The following PIK3R6 variants were observed in gnomAD, a reference collection of about 807,000 sequenced individuals.
The protein encoded by PIK3R6 is phosphoinositide-3-kinase regulatory subunit 6.
PIK3R6 carries 91 observed loss-of-function variants against 84.9 expected under a neutral mutation model. The observed-to-expected ratio is 1.07, with a 90% CI of 0.90 to 1.28. PIK3R6 has a LOEUF of 1.28. Among genes scored for constraint, PIK3R6 ranks in the 50% most tolerant of loss-of-function variants. PIK3R6 has a pLI of 0.00. For synonymous variants in PIK3R6, 416 were observed against 411.4 expected (o/e 1.01, Z -0.13); for missense variants, 996 against 985.1 (o/e 1.01, Z -0.15).
chr17:8,819,781 C>T (rs367604949), intron 17 of PIK3R6, among the ~76,000 whole-genome samples: 3 of 145,516 alleles, frequency 2.1e-5, no homozygotes, highest in African/African-American at 5.1e-5. Flanking sequence ...TATACGCACA[C>T]ATATATATGT....
At chr17:8,807,805 G>A (rs557724981) in intron 18 of PIK3R6, among the ~76,000 whole-genome samples, 6 of 152,254 alleles carry the variant, frequency 3.9e-5, no homozygotes, top group African/African-American at 1.2e-4. Context: ...AGAAGATGGA[G>A]GAGTTTTAAG....
intron 4 of PIK3R6, 98 bp downstream of exon 4, chr17:8,838,466 A>C (rs1201510305): frequency 9.1e-7 from 1 of 1,093,794 alleles, no homozygotes; most frequent in Non-Finnish European, 1.3e-6. Context: ...AGGCAACCAA[A>C]GCTTATGAGA....
At chr17:8,846,736 C>T (rs1418073060) in intron 2 of PIK3R6, among the ~76,000 whole-genome samples, 1 of 152,050 alleles carries the variant, frequency 6.6e-6, no homozygotes, top group Non-Finnish European at 1.5e-5. Context: ...AGAGAATCTT[C>T]CATAGGTATG....
chr17:8,827,539 GT>G (rs2087964627), intron 12 of PIK3R6, among the ~76,000 whole-genome samples: 2 of 152,162 alleles, frequency 1.3e-5, no homozygotes, highest in Admixed American at 1.3e-4. Flanking sequence ...GGAGAGACAA[GT>G]ATGGCTTTGA....
At chr17:8,865,024 T>C (rs533243735) in intron 1 of PIK3R6, among the ~76,000 whole-genome samples, 9 of 152,216 alleles carry the variant, frequency 5.9e-5, no homozygotes, top group South Asian at 2.1e-4. Flanking sequence ...CACAGAACCA[T>C]AGAAGCCTTC....
intron 4 of PIK3R6, 143 bp downstream of exon 4, chr17:8,838,421 G>A (rs2088556654): frequency 1.6e-6 from 1 of 642,192 alleles, no homozygotes; most frequent in South Asian, 1.9e-5. Flanking sequence ...TTACGTAAAA[G>A]TACAGGAGGG....
chr17:8,834,697 T>C (rs1028802513), intron 8 of PIK3R6, among the ~76,000 whole-genome samples: 1 of 152,066 alleles, frequency 6.6e-6, no homozygotes, highest in African/African-American at 2.4e-5. Flanking sequence ...CAGGCTCTTA[T>C]AGGTCATTGC....
intron 8 of PIK3R6, among the ~76,000 whole-genome samples, chr17:8,833,998 T>C (rs950506797): frequency 2.0e-5 from 3 of 150,812 alleles, no homozygotes; most frequent in African/African-American, 7.3e-5. Flanking sequence ...CTACTAAAAA[T>C]AGAAAAAATT....
chr17:8,828,045 T>C (rs903858081), intron 12 of PIK3R6, 67 bp downstream of exon 12: 7 of 1,483,380 alleles, frequency 4.7e-6, no homozygotes, highest in Non-Finnish European at 6.6e-6. Flanking sequence ...GATGCGGGGC[T>C]GCAGGTGTGT....
chr17:8,822,054 T>A, intron 16 of PIK3R6, 118 bp from the exon 17 acceptor site: 7 of 151,798 alleles, frequency 4.6e-5, no homozygotes, highest in South Asian at 2.1e-4. Context: ...GTGAGAGTCT[T>A]TTTTTTTTTT....
intron 10 of PIK3R6, 94 bp from the exon 11 acceptor site, chr17:8,829,084 C>G: frequency 8.4e-7 from 1 of 1,184,838 alleles, no homozygotes; most frequent in South Asian, 1.8e-5. Context: ...TACACACACA[C>G]AGAAACACAG....
intron 18 of PIK3R6, 60 bp from the exon 19 acceptor site, chr17:8,804,213 C>T: frequency 7.3e-7 from 1 of 1,371,816 alleles, no homozygotes; most frequent in Non-Finnish European, 1.0e-6. Flanking sequence ...GCCCTGCCAA[C>T]ATGCCCTACC....
chr17:8,837,929 C>A, intron 4 of PIK3R6, 58 bp from the exon 5 acceptor site: 1 of 1,482,716 alleles, frequency 6.7e-7, no homozygotes, highest in Non-Finnish European at 9.4e-7. Flanking sequence ...CACTTCATAG[C>A]GGGAGGCAGT....
Position 8,827,192 on chromosome 17 carries a change from T to C in PIK3R6, c.1495A>G (p.Ile499Val). 1.2e-6 allele frequency: 2 copies of C among 1,612,716 alleles called. No individual in the cohort carries two copies. The highest frequency in any genetic ancestry group is 1.7e-6 in the Non-Finnish European group (2 of 1,179,412). ...CCTACCATCTCAGCCAGCTTGTGGA[T>C]GGCGGGGCACAGCGTGTTGACGTTG... ...QSNVNTLCPA[I>V]HKLAEMPPSL... The change falls in exon 13 of 20, where the codon ATC (isoleucine) becomes GTC (valine). Residue 499 changes from isoleucine (I) to valine (V), a missense_variant. Coordinates refer to ENST00000619866, the MANE Select transcript of PIK3R6 (RefSeq NM_001010855.4).
intron 13 of PIK3R6, among the ~76,000 whole-genome samples, chr17:8,824,863 C>T (rs553297071): frequency 5.9e-5 from 9 of 152,104 alleles, no homozygotes; most frequent in South Asian, 2.1e-4. Context: ...TATCCTTATT[C>T]GAATAAAATA....
At chr17:8,835,174 T>C in intron 8 of PIK3R6, 99 bp downstream of exon 8, 4 of 1,230,272 alleles carry the variant, frequency 3.3e-6, no homozygotes, top group South Asian at 1.9e-5. Context: ...GAAAAGGTGA[T>C]GCGAAACAGG....
At chr17:8,824,514 G>A (rs1475126721) in intron 13 of PIK3R6, among the ~76,000 whole-genome samples, 5 of 152,144 alleles carry the variant, frequency 3.3e-5, no homozygotes, top group African/African-American at 9.7e-5. Context: ...TGTTCCCTTC[G>A]AAAGGGTCAC....
At chr17:8,814,213 A>ATTTTTTTTTTTTTTTT (rs528042541) in intron 18 of PIK3R6, among the ~76,000 whole-genome samples, 2 of 76,408 alleles carry the variant, frequency 2.6e-5, no homozygotes, top group African/African-American at 1.3e-4. Context: ...TCAGAGAGAG[A>ATTTTTTTTTTTTTTTT]TCTTTTTTTT....
At chr17:8,865,043 C>CGTCAGG in intron 1 of PIK3R6, among the ~76,000 whole-genome samples, 1 of 152,128 alleles carries the variant, frequency 6.6e-6, no homozygotes, top group Admixed American at 6.5e-5. Flanking sequence ...TCTATGGACA[C>CGTCAGG]GGCAAAAAGA....
Sources: gnomAD v4.1 joint callset for allele counts (sites outside exome capture counted in the v4.1 genomes callset) on GRCh38, gnomAD v4.1.1 for gene constraint, MANE v1.5 for transcripts, NCBI Gene and HGNC (gene_info 2026-07-23, HGNC 2026-07-21) for gene names.